MYT1L: variants seen among roughly 807,000 people sequenced by gnomAD.
MYT1L encodes the protein myelin transcription factor 1 like, also known as myelin transcription factor 1-like protein.
A neutral mutation model predicts 126.7 loss-of-function variants in MYT1L; 12 were observed. The observed-to-expected ratio is 0.09, with a 90% CI of 0.06 to 0.15. MYT1L has a LOEUF of 0.15. Among genes scored for constraint, MYT1L ranks in the 10% least tolerant of loss-of-function variants. MYT1L has a pLI of 1.00. For missense variants in MYT1L, 979 were observed against 1,585.2 expected, an observed-to-expected ratio of 0.62 and a Z score of 6.49; for synonymous variants, 541 against 604.2, an observed-to-expected ratio of 0.90 and a Z score of 1.53.
intron 2 of MYT1L, among the ~76,000 whole-genome samples, chr2:2,272,914 C>T (rs2095291517): frequency 6.6e-6 from 1 of 152,136 alleles, no homozygotes; most frequent in Non-Finnish European, 1.5e-5. Context: ...CCATCTCCAC[C>T]CCTGGTGCCC....
At chr2:1,952,518 G>A (rs1156990341) in intron 8 of MYT1L, among the ~76,000 whole-genome samples, 4 of 151,860 alleles carry the variant, frequency 2.6e-5, no homozygotes, top group Non-Finnish European at 4.4e-5. Context: ...GTGGTTCTCC[G>A]ACAGCTGGGA....
chr2:1,816,018 A>T (rs536648103), intron 21 of MYT1L, among the ~76,000 whole-genome samples: 92 of 152,252 alleles, frequency 6.0e-4, no homozygotes, highest in Middle Eastern at 3.4e-3. Context: ...TTTAATAGAA[A>T]CTAGGTCTCA....
chr2:2,019,770 T>C (rs2064840954), intron 4 of MYT1L, among the ~76,000 whole-genome samples: 1 of 152,200 alleles, frequency 6.6e-6, no homozygotes, highest in Non-Finnish European at 1.5e-5. Context: ...TACTTCATTT[T>C]TTACCATAAA....
intron 4 of MYT1L, among the ~76,000 whole-genome samples, chr2:2,029,504 A>G (rs2065996096): frequency 6.6e-6 from 1 of 152,182 alleles, no homozygotes; most frequent in Admixed American, 6.5e-5. Context: ...TATGGGGGAA[A>G]CCACTCCCAT....
At chr2:2,222,919 A>G (rs1572604112) in intron 2 of MYT1L, among the ~76,000 whole-genome samples, 1 of 152,380 alleles carries the variant, frequency 6.6e-6, no homozygotes, top group East Asian at 1.9e-4. Flanking sequence ...AGTAGCTACC[A>G]TAATGAAACC....
At chr2:1,898,790 A>G (rs11127305) in intron 14 of MYT1L, among the ~76,000 whole-genome samples, 21,200 of 152,196 alleles carry the variant, frequency 0.14, 1,770 homozygotes, top group East Asian at 0.3. Context: ...TAGAGAGGCC[A>G]TGGGGAAGTC....
chr2:2,269,744 C>A (rs1375249811), intron 2 of MYT1L, among the ~76,000 whole-genome samples: 1 of 152,142 alleles, frequency 6.6e-6, no homozygotes, highest in African/African-American at 2.4e-5. Flanking sequence ...AACATCTTGA[C>A]CCTTTTCTTC....
At chr2:2,175,116 T>C (rs1306650630) in intron 2 of MYT1L, among the ~76,000 whole-genome samples, 1 of 152,024 alleles carries the variant, frequency 6.6e-6, no homozygotes, top group Admixed American at 6.6e-5. Context: ...GGAATTATCA[T>C]GCAAATGTCC....
At chr2:2,062,611 T>C (rs868146207) in intron 3 of MYT1L, among the ~76,000 whole-genome samples, 3 of 152,216 alleles carry the variant, frequency 2.0e-5, no homozygotes, top group Admixed American at 6.5e-5. Context: ...ACGCTTCCTA[T>C]GGAAAGGTTG....
chr2:1,880,915 A>T (rs891249252), intron 18 of MYT1L, among the ~76,000 whole-genome samples: 3 of 152,236 alleles, frequency 2.0e-5, no homozygotes, highest in Non-Finnish European at 2.9e-5. Flanking sequence ...GACAATGGCG[A>T]GGCATAAACA....
intron 5 of MYT1L, among the ~76,000 whole-genome samples, chr2:1,984,624 C>A (rs902065481): frequency 6.6e-6 from 1 of 151,216 alleles, no homozygotes; most frequent in Non-Finnish European, 1.5e-5. Flanking sequence ...ATTCTCCTGC[C>A]TCAGCCTCCC....
Position 1,979,046 on chromosome 2 carries a change from G to T in MYT1L, c.152+119C>A, listed in dbSNP as rs538345136. ...CTGAGTTCCAGTGTGAGAAGAAAAA[G>T]AAGGCATAATGTGTATTGCTTTCCA... On this transcript the variant is annotated intron_variant, in intron 8 of 24. Coordinates refer to ENST00000647738, the MANE Select transcript of MYT1L (RefSeq NM_001303052.2). This position sits in a 1 kb window ranked among gnomAD's most constrained non-coding sequence, Gnocchi z 4.0. The T allele has an allele frequency of 3.3e-5, 25 of 747,514 alleles. No individual in the cohort carries two copies. The highest frequency in any genetic ancestry group is 3.3e-4 in the East Asian group (12 of 36,898). 46.3% of individuals were successfully genotyped at this position (747,514 alleles called of 1,614,324 possible).
intron 5 of MYT1L, among the ~76,000 whole-genome samples, chr2:1,990,966 C>G (rs771384473): frequency 6.6e-6 from 1 of 152,234 alleles, no homozygotes; most frequent in Non-Finnish European, 1.5e-5. Flanking sequence ...TGCCAGCTTC[C>G]TTTGTGGGCT....
chr2:2,320,911 C>T (rs2096152557), intron 1 of MYT1L, among the ~76,000 whole-genome samples: 1 of 152,196 alleles, frequency 6.6e-6, no homozygotes, highest in Non-Finnish European at 1.5e-5. Flanking sequence ...TGGTGATGAG[C>T]AACGCTTTCC....
chr2:2,042,050 G>C (rs1466648277), intron 4 of MYT1L, among the ~76,000 whole-genome samples: 1 of 152,142 alleles, frequency 6.6e-6, no homozygotes, highest in Non-Finnish European at 1.5e-5. Context: ...CCTGCTTCTT[G>C]TAAGTCTGTT....
intron 4 of MYT1L, among the ~76,000 whole-genome samples, chr2:2,016,503 C>T (rs998046618): frequency 2.0e-5 from 3 of 152,184 alleles, no homozygotes; most frequent in Non-Finnish European, 2.9e-5. Flanking sequence ...CTAAATGCTG[C>T]CAAGCCAGAC....
At chr2:2,292,499 A>G (rs1389732081) in intron 1 of MYT1L, among the ~76,000 whole-genome samples, 1 of 152,140 alleles carries the variant, frequency 6.6e-6, no homozygotes, top group Non-Finnish European at 1.5e-5. Flanking sequence ...TGCCCTCAGC[A>G]GTGACACGGT....
At chr2:2,150,385 T>C (rs2085559112) in intron 3 of MYT1L, among the ~76,000 whole-genome samples, 2 of 152,218 alleles carry the variant, frequency 1.3e-5, no homozygotes, top group Non-Finnish European at 2.9e-5. Context: ...TCATTACTAA[T>C]ATTAGTAAGA....
chr2:1,992,100 C>G (rs1437665613), intron 5 of MYT1L, among the ~76,000 whole-genome samples: 1 of 152,094 alleles, frequency 6.6e-6, no homozygotes, highest in East Asian at 1.9e-4. Context: ...GCACTGCTGT[C>G]TCCTTTCTCC....
Sources: allele counts gnomAD v4.1 joint callset (sites outside exome capture counted in the v4.1 genomes callset), GRCh38; gene constraint gnomAD v4.1.1; non-coding constraint Gnocchi (gnomAD v3.1); transcripts MANE v1.5; gene names NCBI Gene and HGNC (gene_info 2026-07-23, HGNC 2026-07-21).